Variants in TF observed in about 807,000 individuals in gnomAD.
The protein encoded by TF is transferrin.
Under a neutral mutation model 82.4 loss-of-function variants are expected in TF, and 55 were observed. That is an observed-to-expected ratio of 0.67 (90% CI 0.54 to 0.84). The LOEUF is 0.84. TF is among the 40% of genes least tolerant of loss of function. The pLI, the probability that TF is intolerant of heterozygous loss-of-function variation, is 0.00. For missense variants in TF, 737 were observed against 868.4 expected, an observed-to-expected ratio of 0.85 and a Z score of 1.90; for synonymous variants, 332 against 332.6, an observed-to-expected ratio of 1.00 and a Z score of 0.02.
chr3:133,770,422 C>G, intron 13 of TF, 86 bp from the exon 14 acceptor site: 3 of 1,254,446 alleles, frequency 2.4e-6, no homozygotes, highest in Non-Finnish European at 3.5e-6. Context: ...AGATGGCTGT[C>G]CTGAATCTAT....
chr3:133,762,176 A>G (rs1166365583), intron 9 of TF: 1 of 216,676 alleles, frequency 4.6e-6, no homozygotes, highest in Admixed American at 4.1e-5. Flanking sequence ...CCCTTGGGAA[A>G]GTAGAGCCAA....
chr3:133,681,364 G>A, the TF span, among the ~76,000 whole-genome samples: 8 of 152,192 alleles, frequency 5.3e-5, no homozygotes, highest in African/African-American at 1.2e-4. Flanking sequence ...CAGGACAGTC[G>A]GTGCAGCCCA....
upstream of TF, among the ~76,000 whole-genome samples, chr3:133,743,245 C>T (rs565561762): frequency 6.6e-6 from 1 of 152,282 alleles, no homozygotes; most frequent in African/African-American, 2.4e-5. Flanking sequence ...AGGACAGTGC[C>T]TGACACATAC....
chr3:133,684,384 A>C, the TF span, among the ~76,000 whole-genome samples: 399 of 152,282 alleles, frequency 2.6e-3, no homozygotes, highest in Middle Eastern at 6.8e-3. Flanking sequence ...GAGACACAAA[A>C]AAACCCTTCA....
rs539434224 is a variant in TF at position 133,791,773 on chromosome 3, G to T, written c.*13153G>T. ...TTTCTCTTTTCACAGTGGCAGCCTGGGTTTAGGGTTCAATTCCTGGCTTAG... is the reference window on the plus strand; with the variant it reads ...TTTCTCTTTTCACAGTGGCAGCCTGTGTTTAGGGTTCAATTCCTGGCTTAG... On this transcript the variant is annotated 3_prime_UTR_variant, in exon 17 of 17. Transcript: ENST00000402696. 84 of 152,180 alleles carry T rather than the reference G, an allele frequency of 5.5e-4. No homozygotes were observed. The highest frequency in any genetic ancestry group is 1.9e-3 in the African/African-American group (80 of 41,508). The allele number at this position is 152,180 out of a possible 1,614,324, so 9.4% of individuals were successfully genotyped here.
the TF span, among the ~76,000 whole-genome samples, chr3:133,689,560 C>A: frequency 6.6e-6 from 1 of 151,902 alleles, no homozygotes; most frequent in Non-Finnish European, 1.5e-5. Context: ...AGAAAAAGTA[C>A]ATGCATGAAA....
the TF span, among the ~76,000 whole-genome samples, chr3:133,723,812 C>A: frequency 6.6e-6 from 1 of 151,900 alleles, no homozygotes; most frequent in Admixed American, 6.6e-5. Context: ...CCCCCTTCCC[C>A]ACCCCACCAC....
At chr3:133,766,754 C>T (rs1479166327) in intron 12 of TF, among the ~76,000 whole-genome samples, 2 of 152,170 alleles carry the variant, frequency 1.3e-5, no homozygotes, top group African/African-American at 4.8e-5. Context: ...CTCCTTCACA[C>T]TTTCTGCTCC....
chr3:133,682,739 T>C, the TF span, among the ~76,000 whole-genome samples: 3 of 109,170 alleles, frequency 2.7e-5, no homozygotes, highest in African/African-American at 1.4e-4. Context: ...CTGATTGGTG[T>C]ACCTGAAAGT....
At position 133,759,301 on chromosome 3, in the gene TF, C is replaced by T. The variant is rs1359703106; in HGVS notation, c.1175C>T (p.Thr392Ile). The T allele has an allele frequency of 6.2e-7, 1 of 1,613,782 alleles. No homozygotes were observed. Among genetic ancestry groups the T allele is most frequent in the East Asian group, 2.2e-5 (1 of 44,874 alleles). The change falls in exon 9 of 17, where the codon ACC becomes ATC. Residue 392 changes from threonine to isoleucine, a missense_variant. Physicochemically the swap from Thr to Ile is moderately conservative, Grantham distance 89 (BLOSUM62 -1). Transcript: ENST00000402696. ...VGKIECVSAE[T>I]TEDCIAKIMN... ...AAAATAGAGTGTGTATCAGCAGAGA[C>T]CACCGAAGACTGCATCGCCAAGATC...
At chr3:133,703,067 G>C in the TF span, among the ~76,000 whole-genome samples, 4 of 152,104 alleles carry the variant, frequency 2.6e-5, no homozygotes, top group Non-Finnish European at 2.9e-5. Flanking sequence ...AAGTATGTTA[G>C]CCTCCATTTA....
At chr3:133,688,589 A>G in the TF span, among the ~76,000 whole-genome samples, 1 of 152,240 alleles carries the variant, frequency 6.6e-6, no homozygotes, top group East Asian at 1.9e-4. Flanking sequence ...TCATAATTAA[A>G]CAACTAATAG....
chr3:133,675,242 CA>C, the TF span, among the ~76,000 whole-genome samples: 4,090 of 55,370 alleles, frequency 0.074, 28 homozygotes, highest in African/African-American at 0.17. Context: ...GAGACTCTGT[CA>C]AAAAAAAAAA....
At chr3:133,698,393 G>T in the TF span, among the ~76,000 whole-genome samples, 1,687 of 152,284 alleles carry the variant, frequency 0.011, 28 homozygotes, top group African/African-American at 0.038. Flanking sequence ...CCATGAACTG[G>T]GTGGTTTAAG....
At chr3:133,687,306 G>GCACGT in the TF span, among the ~76,000 whole-genome samples, 2 of 152,032 alleles carry the variant, frequency 1.3e-5, no homozygotes, top group Non-Finnish European at 2.9e-5. Flanking sequence ...TAACAAACCT[G>GCACGT]CACGTTGTGC....
chr3:133,699,438 T>G, the TF span: 95 of 1,226,588 alleles, frequency 7.7e-5, no homozygotes, highest in African/African-American at 1.2e-3. Flanking sequence ...GGGCTTTCCC[T>G]CCCCAGAGAA....
the TF span, chr3:133,692,954 G>A: frequency 1.3e-5 from 2 of 152,984 alleles, no homozygotes; most frequent in African/African-American, 4.8e-5. Context: ...CTGGGGCTGG[G>A]TGTGCCCAGG....
At chr3:133,694,319 C>T in the TF span, 1 of 152,858 alleles carries the variant, frequency 6.5e-6, no homozygotes, top group East Asian at 1.9e-4. Context: ...ACAAGTGTGC[C>T]TGCTCCTCCC....
chr3:133,733,014 A>T, the TF span, among the ~76,000 whole-genome samples: 2 of 152,124 alleles, frequency 1.3e-5, no homozygotes, highest in African/African-American at 4.8e-5. Flanking sequence ...TGCAGTTATG[A>T]TCTTGTCCTG....
Sources: allele counts gnomAD v4.1 joint callset (sites outside exome capture counted in the v4.1 genomes callset), GRCh38; gene constraint gnomAD v4.1.1; transcripts MANE v1.5; gene names NCBI Gene and HGNC (gene_info 2026-07-23, HGNC 2026-07-21).